COL11A1: variants seen among roughly 807,000 people sequenced by gnomAD.
COL11A1 encodes collagen type XI alpha 1 chain.
In COL11A1, 74 loss-of-function variants were observed where a neutral mutation model predicts 265.2. That is an observed-to-expected ratio of 0.28 (90% confidence interval 0.23 to 0.34). COL11A1 has a LOEUF of 0.34. Ranked by LOEUF, COL11A1 falls within the 10% of genes least tolerant of loss-of-function variation. The pLI, the probability that COL11A1 is intolerant of heterozygous loss-of-function variation, is 1.00. For synonymous variants in COL11A1, 816 were observed against 727.6 expected (o/e 1.12, Z -1.96); for missense variants, 2,165 against 2,263.6 (o/e 0.96, Z 0.88).
intron 4 of COL11A1, among the ~76,000 whole-genome samples, chr1:103,070,862 TGGA>T (rs1313934439): frequency 3.3e-5 from 5 of 151,944 alleles, no homozygotes; most frequent in Non-Finnish European, 2.9e-5. Context: ...GTGTGTATAT[TGGA>T]TAATATATGC....
chr1:103,033,282 C>T (rs79758556), intron 4 of COL11A1, among the ~76,000 whole-genome samples: 6,442 of 151,960 alleles, frequency 0.042, 239 homozygotes, highest in African/African-American at 0.097. Flanking sequence ...TTGTTTTCTA[C>T]GTTTTCTGCC....
intron 1 of COL11A1, among the ~76,000 whole-genome samples, chr1:103,086,668 G>A (rs34038518): frequency 0.034 from 5,183 of 151,886 alleles, 118 homozygotes; most frequent in Middle Eastern, 0.089. Flanking sequence ...CGCCCGCCTC[G>A]GCCTCCCAAA....
intron 4 of COL11A1, 88 bp downstream of exon 4, chr1:103,074,530 C>T (rs1671823034): frequency 5.5e-6 from 8 of 1,447,324 alleles, no homozygotes; most frequent in Non-Finnish European, 5.7e-6. Context: ...TGCTTTATAA[C>T]GTATTGCTAT....
At chr1:103,007,073 C>T (rs369959817) in intron 15 of COL11A1, among the ~76,000 whole-genome samples, 1 of 151,586 alleles carries the variant, frequency 6.6e-6, no homozygotes, top group East Asian at 1.9e-4. Context: ...ATGGTCTTTT[C>T]TCATGTTTGA....
At chr1:102,962,050 G>C in intron 40 of COL11A1, 126 bp downstream of exon 40, 1 of 1,029,368 alleles carries the variant, frequency 9.7e-7, no homozygotes, top group South Asian at 1.4e-5. Flanking sequence ...ACACATATAT[G>C]TAATGATAAT....
chr1:103,052,794 C>T (rs889408025), intron 4 of COL11A1, among the ~76,000 whole-genome samples: 6 of 152,026 alleles, frequency 3.9e-5, no homozygotes, highest in African/African-American at 9.7e-5. Flanking sequence ...CTATAAACAC[C>T]GTGACAAACT....
In COL11A1 at chr1:103,003,220, G is replaced by C; in HGVS notation, c.1993C>G (p.Gln665Glu). 1 of 1,613,560 alleles carries C rather than the reference G, an allele frequency of 6.2e-7. No individual in the cohort carries two copies. The highest frequency in any genetic ancestry group is 1.1e-5 in the South Asian group (1 of 91,018). The change falls in exon 21 of 67, where the codon CAG becomes GAG. Residue 665 changes from glutamine (Q) to glutamate (E), a missense_variant. Physicochemically the swap from Gln to Glu is conservative, Grantham distance 29. Transcript: ENST00000370096. ...ATGTTTCCAGCAATACATACAGGCT[G>C]CCCTGGAGCTCCTGGAGTTCCCCTT... is the stretch of plus-strand genomic sequence containing the variant. ...GPRGTPGAPG[Q>E]PGMAGVDGPP...
chr1:103,031,042 A>G (rs2101994317), intron 5 of COL11A1, 74 bp downstream of exon 5: 1 of 1,520,754 alleles, frequency 6.6e-7, no homozygotes. Flanking sequence ...ATAAATAAGT[A>G]TAAGTTCAAA....
At chr1:102,971,665 TC>T (rs1395731672) in intron 36 of COL11A1, among the ~76,000 whole-genome samples, 1 of 152,126 alleles carries the variant, frequency 6.6e-6, no homozygotes, top group Non-Finnish European at 1.5e-5. Context: ...GGAGACTTTT[TC>T]CAGGTTGGCT....
intron 47 of COL11A1, among the ~76,000 whole-genome samples, chr1:102,922,971 A>G (rs949134100): frequency 3.9e-5 from 6 of 152,352 alleles, no homozygotes; most frequent in African/African-American, 7.2e-5. Context: ...TTCATAAACA[A>G]TTATATGCAT....
chr1:103,100,425 GCTCCCAGAAA>G (rs1194674348), intron 1 of COL11A1: 4 of 151,910 alleles, frequency 2.6e-5, no homozygotes, highest in African/African-American at 9.7e-5. Context: ...ATATTTGATG[GCTCCCAGAAA>G]CTCCCCTTTC....
intron 28 of COL11A1, among the ~76,000 whole-genome samples, chr1:102,994,585 A>C (rs1257945821): frequency 6.6e-6 from 1 of 152,070 alleles, no homozygotes; most frequent in African/African-American, 2.4e-5. Flanking sequence ...ACCCAGTCTC[A>C]GGTATTTCTT....
At chr1:103,054,343 C>T (rs1025240180) in intron 4 of COL11A1, among the ~76,000 whole-genome samples, 4 of 152,144 alleles carry the variant, frequency 2.6e-5, no homozygotes, top group Admixed American at 1.3e-4. Flanking sequence ...TAAGTAAACT[C>T]AAAGCTTCCT....
chr1:102,884,068 ATATAC>A (rs1570621180), intron 63 of COL11A1, among the ~76,000 whole-genome samples: 2 of 152,328 alleles, frequency 1.3e-5, no homozygotes, highest in East Asian at 3.9e-4. Context: ...GCCAAAAGTG[ATATAC>A]ATGTAAACAT....
At chr1:103,098,306 C>A (rs553896897) in intron 1 of COL11A1, among the ~76,000 whole-genome samples, 1 of 151,848 alleles carries the variant, frequency 6.6e-6, no homozygotes, top group African/African-American at 2.4e-5. Context: ...TGATGAATAG[C>A]CTTTCACTCG....
chr1:102,932,587 G>A (rs894668200), intron 46 of COL11A1, among the ~76,000 whole-genome samples: 8 of 152,150 alleles, frequency 5.3e-5, no homozygotes, highest in East Asian at 3.9e-4. Flanking sequence ...TGTTCTTCTC[G>A]TGGAGTGTCT....
chr1:102,954,159 A>G (rs1660148521), intron 41 of COL11A1, among the ~76,000 whole-genome samples: 1 of 152,150 alleles, frequency 6.6e-6, no homozygotes, highest in African/African-American at 2.4e-5. Context: ...CTACTTAGTT[A>G]CCTTTCTTTA....
intron 37 of COL11A1, 43 bp from the exon 38 acceptor site, chr1:102,965,583 A>G: frequency 6.5e-7 from 1 of 1,541,840 alleles, no homozygotes; most frequent in Non-Finnish European, 9.0e-7. Context: ...CATACAACAC[A>G]AAGCATAAAT....
intron 49 of COL11A1, among the ~76,000 whole-genome samples, chr1:102,919,854 GA>G (rs1308237240): frequency 6.6e-6 from 1 of 152,010 alleles, no homozygotes; most frequent in African/African-American, 2.4e-5. Context: ...CAAAATGAAT[GA>G]TTCATTCCTT....
Sources: allele counts gnomAD v4.1 joint callset (sites outside exome capture counted in the v4.1 genomes callset), GRCh38; gene constraint gnomAD v4.1.1; transcripts MANE v1.5; gene names NCBI Gene and HGNC (gene_info 2026-07-23, HGNC 2026-07-21).